Variants in MICU1 observed in about 807,000 individuals in gnomAD.
MICU1 encodes mitochondrial calcium uptake 1, also known as calcium uptake protein 1, mitochondrial.
Under a neutral mutation model 56.8 loss-of-function variants are expected in MICU1, and 45 were observed. The ratio of observed to expected loss-of-function variants is 0.79; its 90% CI spans 0.62 to 1.02. The LOEUF is 1.02. Among genes scored for constraint, MICU1 ranks in the 50% least tolerant of loss-of-function variants. The pLI, the probability that MICU1 is intolerant of heterozygous loss-of-function variation, is 0.00. For synonymous variants in MICU1, 186 were observed against 195.1 expected, an observed-to-expected ratio of 0.95 and a Z score of 0.39; for missense variants, 504 against 587.1, an observed-to-expected ratio of 0.86 and a Z score of 1.46.
At chr10:72,399,821 G>A (rs1023778342) in intron 10 of MICU1, among the ~76,000 whole-genome samples, 1 of 152,010 alleles carries the variant, frequency 6.6e-6, no homozygotes, top group Admixed American at 6.6e-5. Flanking sequence ...AAATTAGCTG[G>A]GTGGTGGGTG....
chr10:72,376,099 T>C lies in MICU1; in HGVS notation c.1181-227A>G, dbSNP rs76935352. ...TGAGGCCAGAACTTCAAGACCAGCC[T>C]GGCCAAGATGGTGAAACCCTGTCTC... On this transcript the variant is annotated intron_variant, in intron 10 of 11. Coordinates refer to ENST00000361114, the MANE Select transcript of MICU1 (RefSeq NM_001195518.2). Among the ~76,000 whole-genome samples the C allele has an allele frequency of 0.03, 4,508 of 152,026 alleles. 177 individuals are homozygous for C. The highest frequency in any genetic ancestry group is 0.15 in the East Asian group (767 of 5,146).
At chr10:72,380,676 T>G (rs1450761012) in intron 10 of MICU1, among the ~76,000 whole-genome samples, 1 of 152,176 alleles carries the variant, frequency 6.6e-6, no homozygotes, top group East Asian at 1.9e-4. Context: ...GTTAAATAAT[T>G]TGCCCAGGGT....
chr10:72,447,798 G>C (rs899099867), intron 8 of MICU1, among the ~76,000 whole-genome samples: 1 of 152,058 alleles, frequency 6.6e-6, no homozygotes, highest in Non-Finnish European at 1.5e-5. Context: ...GAGGAACAGA[G>C]GTCTATTATA....
intron 1 of MICU1, among the ~76,000 whole-genome samples, chr10:72,587,738 C>T (rs190563845): frequency 2.0e-5 from 3 of 151,874 alleles, no homozygotes; most frequent in East Asian, 3.9e-4. Flanking sequence ...GAGCTGAGAT[C>T]GCACCACTGC....
intron 4 of MICU1, among the ~76,000 whole-genome samples, chr10:72,539,333 T>A (rs542702049): frequency 6.6e-6 from 1 of 152,192 alleles, no homozygotes; most frequent in Non-Finnish European, 1.5e-5. Flanking sequence ...ACAGATCATA[T>A]GTTAGCCCAC....
intron 1 of MICU1, among the ~76,000 whole-genome samples, chr10:72,603,474 G>A (rs1841599608): frequency 6.6e-6 from 1 of 151,928 alleles, no homozygotes; most frequent in African/African-American, 2.4e-5. Flanking sequence ...AAGGTAATCA[G>A]GGTACAGCTC....
chr10:72,540,377 A>C (rs2132423310), intron 4 of MICU1, among the ~76,000 whole-genome samples: 1 of 152,292 alleles, frequency 6.6e-6, no homozygotes, highest in African/African-American at 2.4e-5. Context: ...TGATTAAAAA[A>C]AAAAACTGGC....
intron 3 of MICU1, among the ~76,000 whole-genome samples, chr10:72,555,602 T>C (rs1840139482): frequency 6.6e-6 from 1 of 152,212 alleles, no homozygotes; most frequent in Admixed American, 6.5e-5. Flanking sequence ...CTCCTGGGCT[T>C]GCTCTTTGAA....
intron 8 of MICU1, among the ~76,000 whole-genome samples, chr10:72,456,982 TGTG>T (rs1230110217): frequency 5.4e-5 from 8 of 148,852 alleles, no homozygotes; most frequent in Admixed American, 2.0e-4. Flanking sequence ...TGTGTGTGTG[TGTG>T]TTTTGTTTGT....
chr10:72,507,064 C>A (rs894858181), intron 6 of MICU1, among the ~76,000 whole-genome samples: 2 of 151,646 alleles, frequency 1.3e-5, no homozygotes, highest in African/African-American at 4.9e-5. Context: ...GTATATGCCA[C>A]TTATTAAAAA....
chr10:72,496,298 T>C (rs1201767684), intron 6 of MICU1, among the ~76,000 whole-genome samples: 1 of 148,644 alleles, frequency 6.7e-6, no homozygotes, highest in Non-Finnish European at 1.5e-5. Context: ...CCTGGCTAAT[T>C]CCTTTTTTTT....
chr10:72,481,045 T>A (rs977916814), intron 6 of MICU1, among the ~76,000 whole-genome samples: 2 of 152,228 alleles, frequency 1.3e-5, no homozygotes, highest in Non-Finnish European at 2.9e-5. Context: ...CATGAACCTG[T>A]GCTTGGGCCA....
intron 8 of MICU1, among the ~76,000 whole-genome samples, chr10:72,458,888 TTTTTTTTTTGTA>T (rs1564882102): frequency 2.2e-5 from 2 of 90,022 alleles, no homozygotes; most frequent in Non-Finnish European, 5.0e-5. Context: ...CATTTTTTTT[TTTTTTTTTTGTA>T]TTTTTTTTTG....
At chr10:72,453,265 C>A (rs991474891) in intron 8 of MICU1, among the ~76,000 whole-genome samples, 2 of 152,136 alleles carry the variant, frequency 1.3e-5, no homozygotes, top group African/African-American at 4.8e-5. Flanking sequence ...CTATCATAAC[C>A]CTGTCGGATG....
chr10:72,523,717 G>A lies in MICU1; in HGVS notation c.537+10029C>T, dbSNP rs1292510695. ...AGACTGCCAGCCACCAGAAATGTGA[G>A]AGTAATATTTTAATGAATAAATTTT... On this transcript the variant is annotated intron_variant, in intron 5 of 11. Transcript: ENST00000361114. 4 of 899,356 alleles carry A rather than the reference G, an allele frequency of 4.4e-6. No individual in the cohort carries two copies. In the East Asian group the frequency reaches 9.1e-5, roughly 20 times the overall value. The allele number at this position is 899,356 out of a possible 1,614,324, so 55.7% of individuals were successfully genotyped here. A position where few individuals can be genotyped will look rare whatever the true frequency, so the allele number is the denominator to read the frequency against.
chr10:72,542,346 T>C (rs997386971), intron 4 of MICU1, among the ~76,000 whole-genome samples: 1 of 152,180 alleles, frequency 6.6e-6, no homozygotes, highest in Non-Finnish European at 1.5e-5. Flanking sequence ...CAATCCCTGC[T>C]CTGTACTAAG....
At chr10:72,616,529 G>A (rs962190495) in intron 1 of MICU1, among the ~76,000 whole-genome samples, 7 of 151,022 alleles carry the variant, frequency 4.6e-5, no homozygotes, top group African/African-American at 7.3e-5. Flanking sequence ...AGAGGTTGTG[G>A]TGAGCCGAGG....
intron 8 of MICU1, among the ~76,000 whole-genome samples, chr10:72,444,495 G>C (rs1033093645): frequency 1.4e-4 from 20 of 144,368 alleles, no homozygotes; most frequent in African/African-American, 4.7e-4. Context: ...TGTCCCCCAG[G>C]CTGGAGTGCA....
chr10:72,442,510 A>G (rs181223220), intron 8 of MICU1, among the ~76,000 whole-genome samples: 141 of 152,318 alleles, frequency 9.3e-4, no homozygotes, highest in African/African-American at 3.3e-3. Context: ...TCTATTTTAT[A>G]CATGTATTCC....
Sources: gnomAD v4.1 joint callset for allele counts (sites outside exome capture counted in the v4.1 genomes callset) on GRCh38, gnomAD v4.1.1 for gene constraint, MANE v1.5 for transcripts, NCBI Gene and HGNC (gene_info 2026-07-23, HGNC 2026-07-21) for gene names.